Variants in RILPL1 observed in about 807,000 individuals in gnomAD.
The protein encoded by RILPL1 is RILP-like protein 1.
In RILPL1, 33 loss-of-function variants were observed where a neutral mutation model predicts 50.3. The ratio of observed to expected loss-of-function variants is 0.66; its 90% confidence interval spans 0.50 to 0.88. RILPL1 has a LOEUF of 0.88. RILPL1 is among the 40% of genes least tolerant of loss of function. The pLI, the probability that RILPL1 is intolerant of heterozygous loss-of-function variation, is 0.00. For missense variants in RILPL1, 418 were observed against 542.5 expected, an observed-to-expected ratio of 0.77 and a Z score of 2.28; for synonymous variants, 205 against 228.6, an observed-to-expected ratio of 0.90 and a Z score of 0.93.
At chr12:123,497,971 T>A (rs1883134428) in intron 4 of RILPL1, among the ~76,000 whole-genome samples, 1 of 152,250 alleles carries the variant, frequency 6.6e-6, no homozygotes. Flanking sequence ...AACTAATGTC[T>A]GCCTCCCATA....
intron 1 of RILPL1, among the ~76,000 whole-genome samples, chr12:123,530,628 T>A (rs1315714057): frequency 1.3e-5 from 2 of 152,266 alleles, no homozygotes; most frequent in Non-Finnish European, 2.9e-5. Flanking sequence ...AGGTTCTCAG[T>A]AAATATATTC....
intron 2 of RILPL1, among the ~76,000 whole-genome samples, chr12:123,513,157 G>A (rs1006329281): frequency 2.0e-5 from 3 of 151,038 alleles, no homozygotes; most frequent in African/African-American, 7.3e-5. Flanking sequence ...TGTGGTGTGA[G>A]GTCTGTGTGT....
intron 6 of RILPL1, among the ~76,000 whole-genome samples, chr12:123,477,538 T>C (rs1299326262): frequency 6.6e-6 from 1 of 152,006 alleles, no homozygotes; most frequent in African/African-American, 2.4e-5. Flanking sequence ...GGGGTTTCCC[T>C]GTGTTGGCCA....
In RILPL1 at chr12:123,472,763, A is replaced by G. The variant is rs1163533830; in HGVS notation, c.1068-81T>C. The G allele has an allele frequency of 8.9e-6, 13 of 1,463,192 alleles. 1 individual carries two copies. In the Admixed American group the frequency reaches 2.7e-4, roughly 30 times the overall value. 90.6% of individuals were successfully genotyped at this position (1,463,192 alleles called of 1,614,324 possible). ...ACGTTTTTTGCAATGCCGGAGACAT[A>G]TAGCAGCAAACTTAGAAGGGAGCAA... On this transcript the variant is annotated intron_variant, in intron 6 of 6. Coordinates refer to ENST00000376874, the MANE Select transcript of RILPL1 (RefSeq NM_178314.5).
Position 123,501,218 on chromosome 12 carries a change from G to A in RILPL1, c.461-1682C>T, listed in dbSNP as rs577248131. On this transcript the variant is annotated intron_variant, in intron 2 of 6. Transcript: ENST00000376874. Reference sequence around the variant, plus strand: ...TTTGGGAGGCTGAGGCAGGAGGATCGCTGAGGCTAGGAGTCTGAGAGCAGC... The same window carrying A: ...TTTGGGAGGCTGAGGCAGGAGGATCACTGAGGCTAGGAGTCTGAGAGCAGC... Among the ~76,000 whole-genome samples the A allele has an allele frequency of 3.9e-4, 59 of 152,006 alleles. No individual in the cohort carries two copies. In the South Asian group the frequency reaches 3.9e-3, roughly 10 times the overall value.
chr12:123,513,272 A>C, intron 2 of RILPL1: 1 of 294,378 alleles, frequency 3.4e-6, no homozygotes. Flanking sequence ...GTCAGTGCCA[A>C]AGCCACAAAC....
chr12:123,473,585 A>G (rs1457744066), intron 6 of RILPL1: 1 of 152,046 alleles, frequency 6.6e-6, no homozygotes, highest in Non-Finnish European at 1.5e-5. Context: ...AAATTAGGGA[A>G]ACATCCATTT....
intron 2 of RILPL1, among the ~76,000 whole-genome samples, chr12:123,504,679 T>C (rs1322891139): frequency 6.6e-6 from 1 of 152,174 alleles, no homozygotes; most frequent in Non-Finnish European, 1.5e-5. Context: ...CCTTATTTCA[T>C]TCTCATTCCC....
chr12:123,472,792 A>G, intron 6 of RILPL1, 110 bp from the exon 7 acceptor site: 1 of 1,205,846 alleles, frequency 8.3e-7, no homozygotes, highest in Non-Finnish European at 1.2e-6. Context: ...GGAGCAAATC[A>G]ATTCAAGGTG....
chr12:123,499,302 C>T (rs1374685333), intron 3 of RILPL1, 116 bp downstream of exon 3: 5 of 706,156 alleles, frequency 7.1e-6, no homozygotes, highest in South Asian at 3.3e-5. Flanking sequence ...CCACACCCCA[C>T]GGAGCCCCAA....
At chr12:123,504,594 GTTC>G (rs1335468072) in intron 2 of RILPL1, among the ~76,000 whole-genome samples, 6 of 152,102 alleles carry the variant, frequency 3.9e-5, no homozygotes, top group Non-Finnish European at 7.4e-5. Context: ...ACGGGAACTG[GTTC>G]TTCTTCTGCA....
At chr12:123,512,350 GTA>G (rs141479926) in intron 2 of RILPL1, among the ~76,000 whole-genome samples, 1,509 of 128,280 alleles carry the variant, frequency 0.012, 66 homozygotes, top group African/African-American at 0.045. Flanking sequence ...TGTGAGGTCT[GTA>G]TGTGTGTGTG....
At position 123,533,705 on chromosome 12, in the gene RILPL1, G is replaced by C. The variant is rs1885537991; in HGVS notation, c.-223C>G. The C allele has an allele frequency of 1.2e-5, 2 of 168,586 alleles. No individual in the cohort carries two copies. Among genetic ancestry groups the C allele is most frequent in the African/African-American group, 4.9e-5 (2 of 41,038 alleles). The allele number at this position is 168,586 out of a possible 1,614,324, so 10.4% of individuals were successfully genotyped here. On this transcript the variant is annotated 5_prime_UTR_variant, in exon 1 of 7. Transcript: ENST00000376874. This position sits in a 1 kb window ranked among gnomAD's most constrained non-coding sequence, Gnocchi z 6.2. ...GGGTCTGGGCGCCCGGCTCGGCCCG[G>C]AGCTGCTCCCGAGTGGGCGGCGGCG...
At chr12:123,514,933 CT>C (rs57468238) in intron 2 of RILPL1, among the ~76,000 whole-genome samples, 739 of 144,660 alleles carry the variant, frequency 5.1e-3, no homozygotes, top group Non-Finnish European at 6.1e-3. Context: ...TACATAAATA[CT>C]TTTTTTTTTT....
intron 2 of RILPL1, among the ~76,000 whole-genome samples, chr12:123,501,944 G>A (rs937448856): frequency 3.3e-5 from 5 of 151,426 alleles, no homozygotes; most frequent in African/African-American, 4.9e-5. Context: ...GCGTGGTGGC[G>A]CATGCCTGTA....
intron 4 of RILPL1, among the ~76,000 whole-genome samples, chr12:123,493,352 G>A (rs1258957865): frequency 6.6e-6 from 1 of 152,020 alleles, no homozygotes; most frequent in Non-Finnish European, 1.5e-5. Flanking sequence ...CTATTGTCTT[G>A]TGACCCTGAC....
intron 5 of RILPL1, chr12:123,484,941 G>C (rs988290599): frequency 9.4e-6 from 3 of 318,870 alleles, no homozygotes; most frequent in African/African-American, 2.2e-5. Context: ...TGACAGGCAT[G>C]AGCCACCGCG....
chr12:123,511,354 C>CTGTGTGTGGTGTCTGTGTGAGGTCTG (rs1884175179), intron 2 of RILPL1, among the ~76,000 whole-genome samples: 1 of 105,432 alleles, frequency 9.5e-6, no homozygotes, highest in Non-Finnish European at 2.0e-5. Flanking sequence ...AATGTGAGGT[C>CTGTGTGTGGTGTCTGTGTGAGGTCTG]TGTGTGTGGT....
intron 6 of RILPL1, chr12:123,475,555 C>T (rs1201095485): frequency 8.4e-6 from 6 of 716,650 alleles, no homozygotes; most frequent in Non-Finnish European, 1.2e-5. Context: ...CAGGTGGCGG[C>T]CATGCAGCTT....
Sources: gnomAD v4.1 joint callset for allele counts (sites outside exome capture counted in the v4.1 genomes callset) on GRCh38, gnomAD v4.1.1 for gene constraint, Gnocchi (gnomAD v3.1) non-coding constraint, MANE v1.5 for transcripts, NCBI Gene and HGNC (gene_info 2026-07-23, HGNC 2026-07-21) for gene names.